NFIB: variants seen among roughly 807,000 people sequenced by gnomAD.
The protein encoded by NFIB is nuclear factor I B.
Under a neutral mutation model 61.5 loss-of-function variants are expected in NFIB, and 11 were observed. The observed-to-expected ratio is 0.18, with a 90% confidence interval of 0.11 to 0.30. NFIB has a LOEUF of 0.30. NFIB is among the 10% of genes least tolerant of loss of function. The pLI, the probability that NFIB is intolerant of heterozygous loss-of-function variation, is 1.00. For synonymous variants in NFIB, 260 were observed against 216.5 expected (o/e 1.20, Z -1.76); for missense variants, 471 against 608.9 (o/e 0.77, Z 2.38).
intron 2 of NFIB, among the ~76,000 whole-genome samples, chr9:14,272,120 T>C (rs534464124): frequency 1.3e-5 from 2 of 152,282 alleles, no homozygotes; most frequent in Non-Finnish European, 2.9e-5. Flanking sequence ...ATTTTGCTAA[T>C]ATTTCATACT....
At chr9:14,239,172 AG>A (rs2054103500) in intron 2 of NFIB, among the ~76,000 whole-genome samples, 1 of 152,220 alleles carries the variant, frequency 6.6e-6, no homozygotes, top group Admixed American at 6.5e-5. Flanking sequence ...TTAACCAAAA[AG>A]GTTTGTAGTA....
intron 8 of NFIB, among the ~76,000 whole-genome samples, chr9:14,117,188 G>T (rs2038270051): frequency 6.6e-6 from 1 of 152,180 alleles, no homozygotes; most frequent in African/African-American, 2.4e-5. Flanking sequence ...GGTGCATGGA[G>T]AGTTACACAA....
chr9:14,394,851 C>T (rs957183246), intron 1 of NFIB, among the ~76,000 whole-genome samples: 1 of 152,096 alleles, frequency 6.6e-6, no homozygotes, highest in Non-Finnish European at 1.5e-5. Context: ...TCATTGCAGT[C>T]CTTGTTTAAA....
intron 6 of NFIB, among the ~76,000 whole-genome samples, chr9:14,130,092 G>A (rs138279316): frequency 1.4e-3 from 208 of 151,738 alleles, no homozygotes; most frequent in African/African-American, 4.8e-3. Flanking sequence ...TGTTCTCACC[G>A]CCCTTTTCAC....
At chr9:14,515,495 T>C in the NFIB span, among the ~76,000 whole-genome samples, 2 of 152,156 alleles carry the variant, frequency 1.3e-5, no homozygotes, top group Non-Finnish European at 2.9e-5. Context: ...AGTGTTCCTC[T>C]AGCCAGGTGT....
intron 2 of NFIB, among the ~76,000 whole-genome samples, chr9:14,202,747 C>A (rs2049188749): frequency 6.6e-6 from 1 of 152,056 alleles, no homozygotes; most frequent in African/African-American, 2.4e-5. Flanking sequence ...CAAATCTATG[C>A]AAAGAGATAT....
At chr9:14,335,428 C>G (rs563766805) in intron 1 of NFIB, among the ~76,000 whole-genome samples, 230 of 152,294 alleles carry the variant, frequency 1.5e-3, no homozygotes, top group African/African-American at 5.3e-3. Context: ...GTATTTGTCT[C>G]CTTAATAAAT....
At chr9:14,477,341 G>A in the NFIB span, among the ~76,000 whole-genome samples, 4 of 152,138 alleles carry the variant, frequency 2.6e-5, no homozygotes, top group African/African-American at 7.2e-5. Context: ...CTGAAGTGAC[G>A]GTAGGTATTC....
At chr9:14,089,293 G>A (rs1488210347) in intron 10 of NFIB, among the ~76,000 whole-genome samples, 3 of 151,026 alleles carry the variant, frequency 2.0e-5, no homozygotes, top group African/African-American at 7.3e-5. Context: ...GGGTGTTGGA[G>A]GCAGTAAATG....
At chr9:14,258,695 T>C (rs1422979220) in intron 2 of NFIB, among the ~76,000 whole-genome samples, 3 of 152,236 alleles carry the variant, frequency 2.0e-5, no homozygotes, top group Non-Finnish European at 2.9e-5. Context: ...TTTTCCATTA[T>C]ACCCCATTTC....
At chr9:14,355,774 G>A (rs1460039290) in intron 1 of NFIB, among the ~76,000 whole-genome samples, 1 of 152,128 alleles carries the variant, frequency 6.6e-6, no homozygotes, top group Admixed American at 6.5e-5. Flanking sequence ...GCCTAACACG[G>A]TGAAACCCTG....
intron 2 of NFIB, among the ~76,000 whole-genome samples, chr9:14,265,579 T>C (rs929830758): frequency 1.3e-5 from 2 of 152,192 alleles, no homozygotes; most frequent in Non-Finnish European, 2.9e-5. Flanking sequence ...GAAATAAATT[T>C]CTGTTGTTTA....
chr9:14,090,045 A>T lies in NFIB; in HGVS notation c.1468-1719T>A, dbSNP rs2033623136. On this transcript the variant is annotated intron_variant, in intron 10 of 10. Coordinates refer to ENST00000380953, the MANE Select transcript of NFIB (RefSeq NM_001190737.2). Reference sequence around the variant, plus strand: ...AGATGCTCAATACCTTTTTAGACAAACAAATCAATTAATTGTTTCAAATCA... The same window carrying T: ...AGATGCTCAATACCTTTTTAGACAATCAAATCAATTAATTGTTTCAAATCA... Among the ~76,000 whole-genome samples the T allele has an allele frequency of 2.6e-5, 4 of 152,110 alleles. No individual in the cohort carries two copies. The South Asian group carries it at 8.3e-4, about 31-fold the overall frequency.
chr9:14,377,534 C>A (rs1411546168), intron 1 of NFIB, among the ~76,000 whole-genome samples: 2 of 152,186 alleles, frequency 1.3e-5, no homozygotes, highest in African/African-American at 4.8e-5. Context: ...TGCTTTTCAT[C>A]AGCACCTATA....
the NFIB span, among the ~76,000 whole-genome samples, chr9:14,480,555 C>A: frequency 1.3e-5 from 2 of 152,166 alleles, no homozygotes; most frequent in African/African-American, 4.8e-5. Context: ...ATTTTCATCC[C>A]AAAACCTTGT....
chr9:14,407,650 C>T, the NFIB span, among the ~76,000 whole-genome samples: 1 of 152,006 alleles, frequency 6.6e-6, no homozygotes, highest in African/African-American at 2.4e-5. Context: ...AGGAGAAGGC[C>T]TGTGGTGTAA....
chr9:14,417,873 C>G, the NFIB span, among the ~76,000 whole-genome samples: 1 of 150,722 alleles, frequency 6.6e-6, no homozygotes, highest in African/African-American at 2.4e-5. Flanking sequence ...CTCTGCCTCC[C>G]GAGTTCAAGT....
intron 10 of NFIB, among the ~76,000 whole-genome samples, chr9:14,111,095 A>ATT (rs1439504817): frequency 1.3e-5 from 2 of 152,192 alleles, no homozygotes; most frequent in East Asian, 3.8e-4. Flanking sequence ...GTCCACTTAA[A>ATT]TAAGTGGCTG....
chr9:14,423,813 T>C, the NFIB span, among the ~76,000 whole-genome samples: 2 of 152,258 alleles, frequency 1.3e-5, no homozygotes, highest in Admixed American at 1.3e-4. Flanking sequence ...TTGCATTCTT[T>C]CTGATTGTGG....
Sources: gnomAD v4.1 joint callset for allele counts (sites outside exome capture counted in the v4.1 genomes callset) on GRCh38, gnomAD v4.1.1 for gene constraint, MANE v1.5 for transcripts, NCBI Gene and HGNC (gene_info 2026-07-23, HGNC 2026-07-21) for gene names.